PHLDB2: variants seen among roughly 807,000 people sequenced by gnomAD.
PHLDB2 encodes pleckstrin homology like domain family B member 2.
A neutral mutation model predicts 123.6 loss-of-function variants in PHLDB2; 71 were observed. The observed-to-expected ratio is 0.57, with a 90% confidence interval of 0.47 to 0.70. The LOEUF (loss-of-function observed/expected upper bound fraction) is 0.70. Ranked by LOEUF, PHLDB2 falls within the 30% of genes least tolerant of loss-of-function variation. The probability of loss-of-function intolerance (pLI) is 0.00; values close to 1 mark genes in which losing one functional copy is unlikely to be tolerated. For missense variants in PHLDB2, 1,446 were observed against 1,519.5 expected (o/e 0.95, Z 0.80); for synonymous variants, 547 against 541.6 (o/e 1.01, Z -0.14).
chr3:111,893,386 G>A (rs1028360949), intron 2 of PHLDB2, among the ~76,000 whole-genome samples: 1 of 152,138 alleles, frequency 6.6e-6, no homozygotes, highest in South Asian at 2.1e-4. Flanking sequence ...TTAAAAAAAT[G>A]GCTGCACTAG....
rs1577051654 is a variant in PHLDB2 at position 111,905,528 on chromosome 3, T to C, written c.1336-7791T>C. Among the ~76,000 whole-genome samples the C allele has an allele frequency of 2.0e-5, 3 of 152,076 alleles. No individual in the cohort carries two copies. In the South Asian group the frequency reaches 6.2e-4, roughly 32 times the overall value. On this transcript the variant is annotated intron_variant, in intron 2 of 17. Coordinates refer to ENST00000431670, the MANE Select transcript of PHLDB2 (RefSeq NM_001134438.2). The stretch of plus-strand genomic sequence containing the variant: ...CGTGCCACCTCACCCAGCTAATTTT[T>C]GTATTTTTAGTAGAGACAGGGTTTC...
intron 1 of PHLDB2, among the ~76,000 whole-genome samples, chr3:111,800,041 G>A (rs2061321782): frequency 6.6e-6 from 1 of 152,108 alleles, no homozygotes; most frequent in East Asian, 1.9e-4. Flanking sequence ...GTCTTACTCT[G>A]TTACCCAGGC....
At chr3:111,865,026 A>T (rs760074052) in intron 1 of PHLDB2, among the ~76,000 whole-genome samples, 1 of 152,164 alleles carries the variant, frequency 6.6e-6, no homozygotes, top group Admixed American at 6.5e-5. Context: ...TTTCTTGACC[A>T]CCCTACTGCT....
At chr3:111,857,121 A>G (rs1011569474), upstream of PHLDB2, among the ~76,000 whole-genome samples, 4 of 152,112 alleles carry the variant, frequency 2.6e-5, no homozygotes, top group African/African-American at 9.7e-5. Context: ...AATCTAGTCT[A>G]CGAGGCCACT....
Position 111,938,761 on chromosome 3 carries a change from G to C in PHLDB2, c.2131-714G>C, listed in dbSNP as rs2069664524. On this transcript the variant is annotated intron_variant, in intron 6 of 17. Transcript: ENST00000431670. The stretch of plus-strand genomic sequence containing the variant: ...TTAGTCTTGTTTTCTATGAAAAATT[G>C]AAGAAAAGAAGAGCTTCCTTTCCTT... 3.3e-5 allele frequency among the ~76,000 whole-genome samples: 5 copies of C among 152,050 alleles called. No homozygotes were observed. In the South Asian group the frequency reaches 1.0e-3, roughly 32 times the overall value.
intron 1 of PHLDB2, among the ~76,000 whole-genome samples, chr3:111,788,122 T>C (rs903925105): frequency 2.0e-5 from 3 of 152,106 alleles, no homozygotes; most frequent in African/African-American, 4.8e-5. Context: ...AGGAGGAGAA[T>C]TGGTGGGACT....
chr3:111,795,749 G>C (rs1559835642), intron 1 of PHLDB2, among the ~76,000 whole-genome samples: 1 of 152,036 alleles, frequency 6.6e-6, no homozygotes, highest in Non-Finnish European at 1.5e-5. Flanking sequence ...TTTTGAGACG[G>C]AGTCTTGCTC....
At chr3:111,844,897 C>G (rs1314462218) in intron 1 of PHLDB2, among the ~76,000 whole-genome samples, 1 of 152,144 alleles carries the variant, frequency 6.6e-6, no homozygotes, top group African/African-American at 2.4e-5. Context: ...AGGTGTACAA[C>G]AAATGGGAGG....
At chr3:111,832,971 AAT>A (rs1319171422) in intron 1 of PHLDB2, among the ~76,000 whole-genome samples, 33 of 992 alleles carry the variant, frequency 0.033, 2 homozygotes, top group Non-Finnish European at 0.044. Flanking sequence ...TTATACATAT[AAT>A]ATATATAATA....
At chr3:111,765,895 C>T (rs922045388) in intron 1 of PHLDB2, among the ~76,000 whole-genome samples, 4 of 111,738 alleles carry the variant, frequency 3.6e-5, no homozygotes, top group South Asian at 5.3e-4. Flanking sequence ...TATATGCACA[C>T]ACACACACAT....
In PHLDB2 at chr3:111,884,140, C is replaced by T. The variant is rs753935696; in HGVS notation, c.63C>T (p.Asp21=). 6.2e-7 allele frequency: 1 copy of T among 1,614,088 alleles called. No homozygotes were observed. Among genetic ancestry groups the T allele is most frequent in the Non-Finnish European group, 8.5e-7 (1 of 1,179,934 alleles). The part of the protein sequence containing the change: ...LDLQNGSLEE[D]SVVHSVENDS... ...TACAAAATGGTAGCTTAGAGGAAGA[C>T]TCTGTGGTGCATTCTGTTGAGAACG... Residue 21 remains aspartate (D), a synonymous_variant, in exon 2 of 18, where the codon GAC becomes GAT. Coordinates refer to ENST00000431670, the MANE Select transcript of PHLDB2 (RefSeq NM_001134438.2).
chr3:111,974,063 C>G (rs1017325867), intron 17 of PHLDB2, among the ~76,000 whole-genome samples: 3 of 152,084 alleles, frequency 2.0e-5, no homozygotes, highest in African/African-American at 7.2e-5. Flanking sequence ...AACGACTCTG[C>G]CAGGGTTCTA....
In PHLDB2 at chr3:111,947,960, G is replaced by C. The variant is rs1387059161; in HGVS notation, c.2488-972G>C. ...ACTCAATTTCAGCTTTAAAAGAGAG[G>C]TGTTATTTTATATAGCTTTTTCACA... On this transcript the variant is annotated intron_variant, in intron 9 of 17. Transcript: ENST00000431670. Among the ~76,000 whole-genome samples the C allele has an allele frequency of 1.6e-4, 25 of 152,198 alleles. 1 individual carries two copies. Among genetic ancestry groups the C allele is most frequent in the Non-Finnish European group, 3.4e-4 (23 of 68,038 alleles).
chr3:111,902,930 T>A (rs981896177), intron 2 of PHLDB2, among the ~76,000 whole-genome samples: 12 of 152,310 alleles, frequency 7.9e-5, no homozygotes, highest in Middle Eastern at 6.8e-3. Context: ...GAGCCACCAG[T>A]CCTGGCAATT....
chr3:111,936,685 A>G (rs2069512562), intron 6 of PHLDB2, among the ~76,000 whole-genome samples: 2 of 152,326 alleles, frequency 1.3e-5, no homozygotes, highest in Admixed American at 1.3e-4. Flanking sequence ...AATAACACAT[A>G]TTGCATATTA....
chr3:111,779,990 A>C, intron 1 of PHLDB2: 2 of 469,378 alleles, frequency 4.3e-6, no homozygotes, highest in Non-Finnish European at 5.6e-6. Context: ...ACATGTGTCT[A>C]TTCACAAAAT....
chr3:111,823,040 A>T (rs1297973966), intron 1 of PHLDB2, among the ~76,000 whole-genome samples: 1 of 152,242 alleles, frequency 6.6e-6, no homozygotes, highest in African/African-American at 2.4e-5. Context: ...ACATGGTCAA[A>T]GGAGCAGCAG....
intron 2 of PHLDB2, among the ~76,000 whole-genome samples, chr3:111,848,456 C>T (rs908086992): frequency 6.6e-6 from 1 of 152,162 alleles, no homozygotes; most frequent in Admixed American, 6.5e-5. Flanking sequence ...TTACATTGCT[C>T]ATCAATGCTC....
At chr3:111,939,020 C>T (rs1370177368) in intron 6 of PHLDB2, among the ~76,000 whole-genome samples, 1 of 152,028 alleles carries the variant, frequency 6.6e-6, no homozygotes, top group Non-Finnish European at 1.5e-5. Flanking sequence ...GTTGGCCAGG[C>T]TGGTCTCAAA....
Sources: gnomAD v4.1 joint callset for allele counts (sites outside exome capture counted in the v4.1 genomes callset) on GRCh38, gnomAD v4.1.1 for gene constraint, MANE v1.5 for transcripts, NCBI Gene and HGNC (gene_info 2026-07-23, HGNC 2026-07-21) for gene names.